RARB: variants seen among roughly 807,000 people sequenced by gnomAD.
RARB encodes the protein retinoic acid receptor beta.
RARB carries 17 observed loss-of-function variants against 51.9 expected under a neutral mutation model. The observed-to-expected ratio is 0.33, with a 90% confidence interval of 0.22 to 0.49. The LOEUF (loss-of-function observed/expected upper bound fraction) is 0.49. Among genes scored for constraint, RARB ranks in the 20% least tolerant of loss-of-function variants. The pLI, the probability that RARB is intolerant of heterozygous loss-of-function variation, is 0.99. For missense variants in RARB, 369 were observed against 550.8 expected, an observed-to-expected ratio of 0.67 and a Z score of 3.30; for synonymous variants, 215 against 195.4, an observed-to-expected ratio of 1.10 and a Z score of -0.84.
At chr3:25,461,441 A>C in intron 2 of RARB, 100 bp downstream of exon 2, 1 of 1,326,074 alleles carries the variant, frequency 7.5e-7, no homozygotes, top group East Asian at 2.4e-5. Context: ...GTGTAACATC[A>C]CCTCCCATAA....
At chr3:25,341,071 C>G (rs1048803035) in intron 5 of RARB, among the ~76,000 whole-genome samples, 1 of 152,156 alleles carries the variant, frequency 6.6e-6, no homozygotes, top group Admixed American at 6.5e-5. Context: ...GCCAGCAGAA[C>G]ATAATTAACT....
chr3:25,064,878 C>G (rs1458118212), intron 3 of RARB, among the ~76,000 whole-genome samples: 3 of 152,128 alleles, frequency 2.0e-5, no homozygotes, highest in Admixed American at 1.3e-4. Context: ...TGTCATAATC[C>G]ATGAGGTTCA....
At chr3:24,958,267 T>TTTTTTTTTTTTTTTTTTTTTTG (rs1696064754) in intron 2 of RARB, among the ~76,000 whole-genome samples, 1 of 121,626 alleles carries the variant, frequency 8.2e-6, no homozygotes, top group Non-Finnish European at 1.6e-5. Flanking sequence ...TTTTTTTTTT[T>TTTTTTTTTTTTTTTTTTTTTTG]TTTTTTTTTT....
chr3:25,393,689 T>C (rs1029646394), intron 5 of RARB, among the ~76,000 whole-genome samples: 13 of 152,126 alleles, frequency 8.5e-5, no homozygotes, highest in African/African-American at 3.1e-4. Flanking sequence ...GTGTTCTAGT[T>C]TGTGCACGTG....
chr3:25,171,546 G>C (rs6550955), intron 4 of RARB, among the ~76,000 whole-genome samples: 1,890 of 124,648 alleles, frequency 0.015, 44 homozygotes, highest in African/African-American at 0.051. Flanking sequence ...CAACCAGACA[G>C]GCAAGATGCT....
intron 5 of RARB, among the ~76,000 whole-genome samples, chr3:25,234,998 C>A (rs1407086270): frequency 1.3e-5 from 2 of 152,110 alleles, no homozygotes; most frequent in Non-Finnish European, 2.9e-5. Context: ...CCAGTTACTT[C>A]CCCTGCAACT....
At chr3:25,439,745 A>T (rs1559402762) in intron 1 of RARB, among the ~76,000 whole-genome samples, 1 of 152,172 alleles carries the variant, frequency 6.6e-6, no homozygotes, top group Non-Finnish European at 1.5e-5. Context: ...ATTTTCATAT[A>T]CCGTATTCTA....
chr3:25,367,143 G>C lies in RARB; in HGVS notation c.179-94050G>C, dbSNP rs138506535. On this transcript the variant is annotated intron_variant, in intron 5 of 11. Transcript: ENST00000383772. ...TTCTCTCCAGTATTTCCTCAGGTTG[G>C]AATAACACCAGGAAAAGCAAAAGAC... is the stretch of plus-strand genomic sequence containing the variant. Among the ~76,000 whole-genome samples the C allele has an allele frequency of 1.1e-3, 162 of 152,268 alleles. 2 individuals are homozygous for C. In the East Asian group the frequency reaches 0.025, roughly 23 times the overall value.
chr3:25,516,007 C>T (rs1039024252), intron 3 of RARB, among the ~76,000 whole-genome samples: 1 of 152,202 alleles, frequency 6.6e-6, no homozygotes, highest in Non-Finnish European at 1.5e-5. Flanking sequence ...TTTCTTCAGG[C>T]AGTGTTTTAA....
chr3:25,135,490 T>C (rs1370025848), intron 4 of RARB, among the ~76,000 whole-genome samples: 1 of 151,952 alleles, frequency 6.6e-6, no homozygotes, highest in African/African-American at 2.4e-5. Context: ...GAATGGCAAA[T>C]AGACCACGAT....
intron 3 of RARB, among the ~76,000 whole-genome samples, chr3:25,087,796 C>T (rs1036174500): frequency 1.3e-5 from 2 of 151,936 alleles, no homozygotes; most frequent in Admixed American, 6.6e-5. Context: ...AAAAGAAACA[C>T]TAGAAAACTA....
intron 3 of RARB, among the ~76,000 whole-genome samples, chr3:25,079,114 TAA>T (rs1698937273): frequency 6.6e-6 from 1 of 152,150 alleles, no homozygotes; most frequent in African/African-American, 2.4e-5. Context: ...CATATTCTAT[TAA>T]GTTTATCTCT....
intron 3 of RARB, among the ~76,000 whole-genome samples, chr3:25,557,246 G>C (rs1700101412): frequency 6.6e-6 from 1 of 152,038 alleles, no homozygotes; most frequent in Admixed American, 6.6e-5. Flanking sequence ...CTGTTGCACA[G>C]TAGTAGCTCA....
At chr3:25,386,504 G>T (rs1274248041) in intron 5 of RARB, among the ~76,000 whole-genome samples, 11 of 152,194 alleles carry the variant, frequency 7.2e-5, no homozygotes, top group African/African-American at 2.7e-4. Flanking sequence ...GCAGGGCAAA[G>T]ACTGAAGTCA....
chr3:25,470,209 GTGTC>G (rs1695618768), intron 2 of RARB, among the ~76,000 whole-genome samples: 1 of 152,192 alleles, frequency 6.6e-6, no homozygotes, highest in Non-Finnish European at 1.5e-5. Context: ...GTTCAAGAGA[GTGTC>G]TGGTAGGAAG....
At chr3:25,239,022 C>T (rs1362269563) in intron 5 of RARB, among the ~76,000 whole-genome samples, 1 of 152,102 alleles carries the variant, frequency 6.6e-6, no homozygotes, top group Admixed American at 6.5e-5. Context: ...GATGATAGCT[C>T]ATTGTGGTTT....
chr3:24,935,177 T>G (rs141117029), intron 2 of RARB, among the ~76,000 whole-genome samples: 1 of 152,290 alleles, frequency 6.6e-6, no homozygotes, highest in African/African-American at 2.4e-5. Context: ...ACTTTCATAT[T>G]CTGTTGCAGG....
At chr3:24,848,818 C>T (rs537801509) in intron 1 of RARB, among the ~76,000 whole-genome samples, 3 of 152,224 alleles carry the variant, frequency 2.0e-5, no homozygotes, top group African/African-American at 4.8e-5. Context: ...CTTAGTGTGA[C>T]CTTTCAGGCT....
rs74425983 is a variant in RARB, at chr3:25,110,232, G to C, written c.-327-21929G>C. On this transcript the variant is annotated intron_variant, in intron 3 of 11. Transcript: ENST00000383772. ...GCTAAATACATGTCAATGTGTCTTA[G>C]TTTACGCTTGTTTATAGGTGTTGCT... Among the ~76,000 whole-genome samples, 1,196 of 152,272 alleles carry C rather than the reference G, an allele frequency of 7.9e-3. 3 individuals are homozygous for C. Among genetic ancestry groups the C allele is most frequent in the Middle Eastern group, 0.024 (7 of 294 alleles).
Sources: allele counts gnomAD v4.1 joint callset (sites outside exome capture counted in the v4.1 genomes callset), GRCh38; gene constraint gnomAD v4.1.1; transcripts MANE v1.5; gene names NCBI Gene and HGNC (gene_info 2026-07-23, HGNC 2026-07-21).